The following SGCZ variants were observed in gnomAD, a reference collection of about 807,000 sequenced individuals.
SGCZ encodes sarcoglycan zeta.
SGCZ carries 40 observed loss-of-function variants against 41.3 expected under a neutral mutation model. The observed-to-expected ratio is 0.97, with a 90% CI of 0.75 to 1.26. The LOEUF is 1.26. SGCZ is among the 50% of genes most tolerant of loss of function. The pLI is 0.00. For missense variants in SGCZ, 552 were observed against 369.8 expected (o/e 1.49, Z -4.04); for synonymous variants, 206 against 137.5 (o/e 1.50, Z -3.49).
chr8:14,539,377 T>C (rs1467888775), intron 2 of SGCZ, among the ~76,000 whole-genome samples: 3 of 151,948 alleles, frequency 2.0e-5, no homozygotes, highest in Non-Finnish European at 2.9e-5. Flanking sequence ...AGAGACCATG[T>C]AAATGTCCTC....
chr8:14,323,831 T>A (rs943686724), intron 3 of SGCZ, among the ~76,000 whole-genome samples: 3 of 152,114 alleles, frequency 2.0e-5, no homozygotes, highest in African/African-American at 7.2e-5. Context: ...AACTTTATAT[T>A]TTAATTTCCA....
At chr8:14,612,930 C>G (rs554027536) in intron 1 of SGCZ, among the ~76,000 whole-genome samples, 1 of 152,218 alleles carries the variant, frequency 6.6e-6, no homozygotes, top group Non-Finnish European at 1.5e-5. Flanking sequence ...AGGCTATCCA[C>G]TTGCCTCGGC....
chr8:14,345,430 G>C (rs1802860783), intron 2 of SGCZ, among the ~76,000 whole-genome samples: 1 of 152,016 alleles, frequency 6.6e-6, no homozygotes, highest in African/African-American at 2.4e-5. Context: ...AATACACCCA[G>C]AAAAAAATGT....
chr8:14,604,495 G>C (rs1045488541), intron 1 of SGCZ, among the ~76,000 whole-genome samples: 42 of 152,018 alleles, frequency 2.8e-4, no homozygotes, highest in African/African-American at 9.7e-4. Context: ...CATACTCTTG[G>C]TAGATGAGTG....
intron 2 of SGCZ, among the ~76,000 whole-genome samples, chr8:14,427,050 G>A (rs1019470877): frequency 7.0e-6 from 1 of 143,180 alleles, no homozygotes; most frequent in Non-Finnish European, 1.6e-5. Flanking sequence ...ATGAATGAAT[G>A]AATGAATGAA....
intron 5 of SGCZ, among the ~76,000 whole-genome samples, chr8:14,117,891 A>G (rs1358406896): frequency 8.8e-6 from 1 of 113,418 alleles, no homozygotes; most frequent in East Asian, 7.7e-4. Flanking sequence ...AGCTTCATCC[A>G]TGTCCCTGCA....
At chr8:14,418,202 G>A (rs1253622252) in intron 2 of SGCZ, among the ~76,000 whole-genome samples, 2 of 151,884 alleles carry the variant, frequency 1.3e-5, no homozygotes, top group Admixed American at 1.3e-4. Flanking sequence ...GTATACCACT[G>A]AGGCATTTGT....
chr8:14,905,179 G>A lies in SGCZ; in HGVS notation c.39+332406C>T, dbSNP rs189088333. Among the ~76,000 whole-genome samples, 131 of 151,796 alleles carry A rather than the reference G, an allele frequency of 8.6e-4. 1 individual carries two copies. Among genetic ancestry groups the A allele is most frequent in the African/African-American group, 3.0e-3 (123 of 41,442 alleles). Reference sequence around the variant, plus strand: ...AATGACATCATAGATGAAGTTAATCGACAAGATTTTACTATCTAAAATATA... The same window carrying A: ...AATGACATCATAGATGAAGTTAATCAACAAGATTTTACTATCTAAAATATA... On this transcript the variant is annotated intron_variant, in intron 1 of 7. Coordinates refer to ENST00000382080, the MANE Select transcript of SGCZ (RefSeq NM_139167.4).
intron 1 of SGCZ, among the ~76,000 whole-genome samples, chr8:14,856,454 A>G (rs557920850): frequency 6.6e-6 from 1 of 152,274 alleles, no homozygotes; most frequent in African/African-American, 2.4e-5. Context: ...ACTATTGCAA[A>G]TTTATGCATG....
intron 2 of SGCZ, among the ~76,000 whole-genome samples, chr8:14,429,203 C>T (rs1020737424): frequency 9.2e-5 from 14 of 152,118 alleles, no homozygotes; most frequent in Non-Finnish European, 1.9e-4. Context: ...TTTTAGAAGG[C>T]AATAGGTTTA....
At chr8:14,755,575 A>T (rs1219309897) in intron 1 of SGCZ, among the ~76,000 whole-genome samples, 1 of 152,184 alleles carries the variant, frequency 6.6e-6, no homozygotes, top group Non-Finnish European at 1.5e-5. Flanking sequence ...GTGAGTAATG[A>T]CCTTTGATAA....
At chr8:14,360,526 A>G (rs2117129996) in intron 2 of SGCZ, among the ~76,000 whole-genome samples, 1 of 152,156 alleles carries the variant, frequency 6.6e-6, no homozygotes, top group East Asian at 1.9e-4. Flanking sequence ...GGGTTTTACC[A>G]TGTTGGCCAG....
chr8:15,086,188 G>C (rs1049184321), intron 1 of SGCZ, among the ~76,000 whole-genome samples: 1 of 152,094 alleles, frequency 6.6e-6, no homozygotes, highest in Non-Finnish European at 1.5e-5. Context: ...TAAAATTCTA[G>C]GGTAAATTGA....
At chr8:14,586,358 C>A (rs150538778) in intron 1 of SGCZ, among the ~76,000 whole-genome samples, 96 of 152,018 alleles carry the variant, frequency 6.3e-4, no homozygotes, top group Non-Finnish European at 1.1e-3. Context: ...GGACTACAGG[C>A]GTGTGTCATC....
At chr8:14,981,934 G>A (rs1801675062) in intron 1 of SGCZ, among the ~76,000 whole-genome samples, 1 of 152,164 alleles carries the variant, frequency 6.6e-6, no homozygotes, top group Admixed American at 6.5e-5. Context: ...CAGATCATTG[G>A]AGGTCAGGAG....
chr8:14,122,315 T>C (rs1457563144), intron 5 of SGCZ, among the ~76,000 whole-genome samples: 1 of 152,120 alleles, frequency 6.6e-6, no homozygotes, highest in African/African-American at 2.4e-5. Context: ...TAAGGAGCTA[T>C]GGTGATTCAG....
At chr8:14,176,738 G>A (rs1371032662) in intron 4 of SGCZ, among the ~76,000 whole-genome samples, 1 of 152,170 alleles carries the variant, frequency 6.6e-6, no homozygotes, top group African/African-American at 2.4e-5. Flanking sequence ...CAGCCTAGGA[G>A]CAGGTGTCAG....
chr8:14,262,791 T>C (rs1269988130), intron 3 of SGCZ, among the ~76,000 whole-genome samples: 1 of 147,990 alleles, frequency 6.8e-6, no homozygotes, highest in South Asian at 2.1e-4. Flanking sequence ...CAAATCCCAG[T>C]CAAACAAAGT....
intron 1 of SGCZ, among the ~76,000 whole-genome samples, chr8:14,989,084 A>G (rs527773103): frequency 2.6e-5 from 4 of 152,250 alleles, no homozygotes; most frequent in African/African-American, 9.6e-5. Context: ...TAAACACTCG[A>G]TGGGAGAAAA....
Sources: gnomAD v4.1 joint callset for allele counts (sites outside exome capture counted in the v4.1 genomes callset) on GRCh38, gnomAD v4.1.1 for gene constraint, MANE v1.5 for transcripts, NCBI Gene and HGNC (gene_info 2026-07-23, HGNC 2026-07-21) for gene names.